MCM8: variants seen among roughly 807,000 people sequenced by gnomAD.
The protein encoded by MCM8 is DNA helicase MCM8.
MCM8 carries 85 observed loss-of-function variants against 98.9 expected under a neutral mutation model. That is an observed-to-expected ratio of 0.86 (90% CI 0.72 to 1.03). The LOEUF (loss-of-function observed/expected upper bound fraction) is 1.03, where lower values mean the gene tolerates loss of function less well. Ranked by LOEUF, MCM8 falls within the 50% of genes least tolerant of loss-of-function variation. The pLI is 0.00. For synonymous variants in MCM8, 352 were observed against 338.6 expected (o/e 1.04, Z -0.44); for missense variants, 951 against 997.8 (o/e 0.95, Z 0.63).
In MCM8 at chr20:5,955,089, T is replaced by C. The variant is rs1238710365; in HGVS notation, c.337-13T>C. On this transcript the variant is annotated splice_polypyrimidine_tract_variant and intron_variant, in intron 4 of 18. Transcript: ENST00000610722. ...AAAAGCAATTATTGTTTTCATACTT[T>C]TATATTTTATAGGATGAAATAGAAA... is the stretch of plus-strand genomic sequence containing the variant. The C allele has an allele frequency of 2.6e-6, 4 of 1,557,732 alleles. No homozygotes were observed. Among genetic ancestry groups the C allele is most frequent in the Non-Finnish European group, 3.5e-6 (4 of 1,136,212 alleles).
intron 13 of MCM8, among the ~76,000 whole-genome samples, chr20:5,982,303 A>G (rs1456734735): frequency 6.6e-6 from 1 of 152,200 alleles, no homozygotes; most frequent in Non-Finnish European, 1.5e-5. Flanking sequence ...GGTATAGAGT[A>G]GATACGGAGG....
intron 17 of MCM8, among the ~76,000 whole-genome samples, chr20:5,989,061 A>G (rs1043828886): frequency 1.3e-5 from 2 of 151,746 alleles, no homozygotes; most frequent in Non-Finnish European, 2.9e-5. Flanking sequence ...AGTGACGAAT[A>G]CGGTTCTGAT....
intron 12 of MCM8, 42 bp from the exon 13 acceptor site, chr20:5,977,834 C>T (rs755329416): frequency 1.2e-6 from 2 of 1,605,868 alleles, no homozygotes; most frequent in South Asian, 2.2e-5. Context: ...TATTACTTCC[C>T]TTTTACTTTG....
chr20:5,995,168 C>T lies in MCM8; in HGVS notation c.*777C>T, dbSNP rs2087048770. On this transcript the variant is annotated 3_prime_UTR_variant, in exon 19 of 19. Coordinates refer to ENST00000610722, the MANE Select transcript of MCM8 (RefSeq NM_032485.6). Reference sequence around the variant, plus strand: ...TAAAATTTGAATTTCATAAAATTTTCCCATGTCAAGAATACAAAATACTTG... The same window carrying T: ...TAAAATTTGAATTTCATAAAATTTTTCCATGTCAAGAATACAAAATACTTG... 6.6e-6 allele frequency: 1 copy of T among 152,466 alleles called. No individual in the cohort carries two copies. The highest frequency in any genetic ancestry group is 1.5e-5 in the Non-Finnish European group (1 of 68,364). The allele number at this position is 152,466 out of a possible 1,614,324, so 9.4% of individuals were successfully genotyped here.
intron 5 of MCM8, among the ~76,000 whole-genome samples, chr20:5,955,849 G>A (rs1032278362): frequency 2.0e-5 from 3 of 151,688 alleles, no homozygotes; most frequent in African/African-American, 4.8e-5. Flanking sequence ...CATGATCTCC[G>A]CTCACTGCAA....
intron 10 of MCM8, among the ~76,000 whole-genome samples, chr20:5,969,194 G>C (rs1042374705): frequency 2.0e-5 from 3 of 152,150 alleles, no homozygotes; most frequent in African/African-American, 7.2e-5. Context: ...TTTGACAACT[G>C]TGGGGTAATT....
In MCM8 at chr20:5,958,645, C is replaced by G. The variant is rs747117274; in HGVS notation, c.708C>G (p.Thr236=). The change falls in exon 7 of 19, where the codon ACC becomes ACG. Residue 236 remains threonine (T), a synonymous_variant. Transcript: ENST00000610722. ...TCAGTAATATAAAGCCTCTTTGCAC[C>G]AAGATGGCTTTTCTTTGTGCTGCAT... ...VRVSNIKPLC[T]KMAFLCAACG... is the part of the protein sequence containing the mutation. The G allele has an allele frequency of 6.2e-7, 1 of 1,614,118 alleles. No homozygotes were observed. Among genetic ancestry groups the G allele is most frequent in the East Asian group, 2.2e-5 (1 of 44,864 alleles).
chr20:5,973,225 C>T lies in MCM8; in HGVS notation c.1395+29C>T, dbSNP rs781321994. On this transcript the variant is annotated intron_variant, in intron 12 of 18. Coordinates refer to ENST00000610722, the MANE Select transcript of MCM8 (RefSeq NM_032485.6). Reference sequence around the variant, plus strand: ...GACAATCAGTCATTTAGTGTTTGTTCTTTTGCTTGTAAAATGCGTTAATAA... The same window carrying T: ...GACAATCAGTCATTTAGTGTTTGTTTTTTTGCTTGTAAAATGCGTTAATAA... 23 of 1,607,434 alleles carry T rather than the reference C, an allele frequency of 1.4e-5. No homozygotes were observed. The South Asian group carries it at 1.9e-4, about 13-fold the overall frequency.
rs763161078 is a variant in MCM8, at chr20:5,952,135, G to C, written c.120G>C (p.Leu40=). The C allele has an allele frequency of 6.2e-7, 1 of 1,613,880 alleles. No individual in the cohort carries two copies. Among genetic ancestry groups the C allele is most frequent in the East Asian group, 2.2e-5 (1 of 44,866 alleles). The part of the protein sequence containing the change: ...KWREREHRPD[L]SKTTGKRTSE... ...GAGAAAGAGAACACAGACCTGATCT[G>C]AGTAAAACCACAGGAAAACGTACTT... Residue 40 remains leucine, a synonymous_variant, in exon 2 of 19, where the codon CTG becomes CTC. Transcript: ENST00000610722.
At chr20:5,991,288 A>C (rs571850293) in intron 17 of MCM8, 2 of 152,290 alleles carry the variant, frequency 1.3e-5, no homozygotes, top group South Asian at 4.1e-4. Flanking sequence ...ATGGTTGGTT[A>C]TACTTGGTAT....
At chr20:5,990,749 T>G (rs2089834331) in intron 17 of MCM8, among the ~76,000 whole-genome samples, 2 of 152,324 alleles carry the variant, frequency 1.3e-5, no homozygotes, top group Non-Finnish European at 2.9e-5. Flanking sequence ...TTTCAGAATT[T>G]TTTTTAATTT....
intron 17 of MCM8, among the ~76,000 whole-genome samples, chr20:5,992,682 T>C (rs1383078605): frequency 6.6e-6 from 1 of 152,216 alleles, no homozygotes; most frequent in Non-Finnish European, 1.5e-5. Context: ...CTTTATTGTT[T>C]ATAACCCATT....
chr20:5,989,887 G>A (rs2089812705), intron 17 of MCM8, among the ~76,000 whole-genome samples: 1 of 152,150 alleles, frequency 6.6e-6, no homozygotes, highest in African/African-American at 2.4e-5. Context: ...GGTTCTACTG[G>A]CTGTCTTTGA....
intron 8 of MCM8, chr20:5,965,451 C>T (rs552592592): frequency 6.6e-6 from 1 of 152,294 alleles, no homozygotes; most frequent in Admixed American, 6.5e-5. Flanking sequence ...TCAAACACCC[C>T]TTTTCGTCTG....
chr20:5,979,031 G>A (rs2089575887), intron 13 of MCM8, among the ~76,000 whole-genome samples: 1 of 152,194 alleles, frequency 6.6e-6, no homozygotes, highest in South Asian at 2.1e-4. Flanking sequence ...ACCTTATTGG[G>A]AAAACATGTT....
At chr20:5,963,232 G>C (rs746170708) in intron 7 of MCM8, 42 bp from the exon 8 acceptor site, 1 of 1,449,512 alleles carries the variant, frequency 6.9e-7, no homozygotes, top group Non-Finnish European at 9.7e-7. Flanking sequence ...TGTGATTATA[G>C]TTTATCAAAA....
Position 5,978,242 on chromosome 20 carries a change from C to T in MCM8, c.1537+225C>T, listed in dbSNP as rs138634048. On this transcript the variant is annotated intron_variant, in intron 13 of 18. Transcript: ENST00000610722. ...TCATTCATTTTCAGAATCTTATAGC[C>T]GATACAAGTATATGTAAAAATCAAA... 4.5e-3 allele frequency among the ~76,000 whole-genome samples: 692 copies of T among 152,262 alleles called. 8 individuals carry two copies. The highest frequency in any genetic ancestry group is 6.9e-3 in the Non-Finnish European group (469 of 68,016).
intron 5 of MCM8, 90 bp downstream of exon 5, chr20:5,955,341 T>G (rs2088949526): frequency 8.1e-7 from 1 of 1,227,262 alleles, no homozygotes; most frequent in African/African-American, 1.5e-5. Context: ...AGGAAGATTT[T>G]ACAGTGACTG....
chr20:5,980,605 A>T (rs972619861), intron 13 of MCM8, among the ~76,000 whole-genome samples: 3 of 152,076 alleles, frequency 2.0e-5, no homozygotes, highest in Non-Finnish European at 2.9e-5. Context: ...GAGGTTTTTT[A>T]AAAAAATTTT....
Sources: gnomAD v4.1 joint callset for allele counts (sites outside exome capture counted in the v4.1 genomes callset) on GRCh38, gnomAD v4.1.1 for gene constraint, MANE v1.5 for transcripts, NCBI Gene and HGNC (gene_info 2026-07-23, HGNC 2026-07-21) for gene names.